The following STRN variants were observed in gnomAD, a reference collection of about 807,000 sequenced individuals.
STRN encodes the protein striatin.
Under a neutral mutation model 96.3 loss-of-function variants are expected in STRN, and 53 were observed. The observed-to-expected ratio is 0.55, with a 90% confidence interval of 0.44 to 0.69. STRN has a LOEUF of 0.69. Among genes scored for constraint, STRN ranks in the 30% least tolerant of loss-of-function variants. The probability of loss-of-function intolerance (pLI) is 0.00; values close to 1 mark genes in which losing one functional copy is unlikely to be tolerated. For synonymous variants in STRN, 428 were observed against 355.9 expected, an observed-to-expected ratio of 1.20 and a Z score of -2.28; for missense variants, 987 against 963.9, an observed-to-expected ratio of 1.02 and a Z score of -0.32.
At chr2:36,963,871 T>G (rs1665088772) in intron 1 of STRN, among the ~76,000 whole-genome samples, 1 of 144,868 alleles carries the variant, frequency 6.9e-6, no homozygotes, top group Admixed American at 6.9e-5. Flanking sequence ...GCAGAAGGAT[T>G]GCTTAAACTT....
intron 12 of STRN, chr2:36,867,435 G>A (rs1195758921): frequency 6.3e-6 from 1 of 159,128 alleles, no homozygotes; most frequent in African/African-American, 2.4e-5. Flanking sequence ...TGTCATCCTT[G>A]TACTGAGGCC....
At chr2:36,960,957 C>T (rs965130612) in intron 1 of STRN, among the ~76,000 whole-genome samples, 2 of 151,560 alleles carry the variant, frequency 1.3e-5, no homozygotes, top group Admixed American at 1.3e-4. Flanking sequence ...AGTGCAGGGG[C>T]ATGATCATAA....
chr2:36,851,201 T>G, intron 15 of STRN, 94 bp from the exon 16 acceptor site: 1 of 1,156,662 alleles, frequency 8.6e-7, no homozygotes, highest in African/African-American at 1.6e-5. Flanking sequence ...ACTGAAAAAG[T>G]AGGCCGGCCG....
At chr2:36,909,505 G>A (rs1306539190) in intron 3 of STRN, among the ~76,000 whole-genome samples, 1 of 151,984 alleles carries the variant, frequency 6.6e-6, no homozygotes, top group East Asian at 1.9e-4. Context: ...TGCAACAAAG[G>A]ACAGTAATAA....
At position 36,867,842 on chromosome 2, in the gene STRN, C is replaced by A; in HGVS notation, c.1519G>T (p.Glu507Ter). 2 of 1,593,614 alleles carry A rather than the reference C, an allele frequency of 1.3e-6. No individual in the cohort carries two copies. Among genetic ancestry groups the A allele is most frequent in the Non-Finnish European group, 1.7e-6 (2 of 1,171,230 alleles). ...TGGGCTCTGAATGTATAGATAGGTT[C>A]TACATCAAGAGAAGTGCTCCTAAAT... is the stretch of plus-strand genomic sequence containing the variant. ...PAKKSTSLDV[E>*]PIYTFRAHKG... Residue 507 changes from glutamate (E) to a stop codon, truncating the protein, a stop_gained, in exon 12 of 18, where the codon GAA (glutamate) becomes TAA (stop). Coordinates refer to ENST00000263918, the MANE Select transcript of STRN (RefSeq NM_003162.4). LOFTEE classifies it high-confidence loss of function.
chr2:36,855,100 AAG>A, intron 15 of STRN, 110 bp downstream of exon 15: 4 of 944,640 alleles, frequency 4.2e-6, no homozygotes, highest in Admixed American at 3.2e-5. Flanking sequence ...TCTGAAAGTT[AAG>A]AGACAGAAAG....
At chr2:36,856,173 T>C (rs372362050) in intron 14 of STRN, among the ~76,000 whole-genome samples, 12 of 152,318 alleles carry the variant, frequency 7.9e-5, no homozygotes, top group African/African-American at 2.6e-4. Flanking sequence ...TACTGTATGT[T>C]TGTAAGGATG....
At chr2:36,964,036 C>A (rs1416718877) in intron 1 of STRN, among the ~76,000 whole-genome samples, 1 of 151,834 alleles carries the variant, frequency 6.6e-6, no homozygotes, top group Non-Finnish European at 1.5e-5. Context: ...GATAAGCACC[C>A]ATGGGAAAGC....
intron 1 of STRN, among the ~76,000 whole-genome samples, chr2:36,935,622 C>T (rs961702721): frequency 6.6e-5 from 10 of 152,340 alleles, no homozygotes; most frequent in Admixed American, 2.0e-4. Context: ...GTGCTTCCCA[C>T]TTGTATTGAG....
At chr2:36,877,738 G>A (rs948653078) in intron 10 of STRN, among the ~76,000 whole-genome samples, 153 bp downstream of exon 10, 1 of 152,178 alleles carries the variant, frequency 6.6e-6, no homozygotes, top group African/African-American at 2.4e-5. Context: ...GTTTCTCAAT[G>A]TTGGCCAGGC....
At position 36,884,001 on chromosome 2, in the gene STRN, A is replaced by G; in HGVS notation, c.1117T>C (p.Ser373Pro). 7.0e-7 allele frequency: 1 copy of G among 1,436,532 alleles called. No individual in the cohort carries two copies. Among genetic ancestry groups the G allele is most frequent in the Non-Finnish European group, 9.2e-7 (1 of 1,088,304 alleles). The allele number at this position is 1,436,532 out of a possible 1,614,324, so 89.0% of individuals were successfully genotyped here. A position where few individuals can be genotyped will look rare whatever the true frequency, so the allele number is the denominator to read the frequency against. The change falls in exon 9 of 18, where the codon TCT (serine) becomes CCT (proline). Residue 373 changes from serine to proline, a missense_variant. Coordinates refer to ENST00000263918, the MANE Select transcript of STRN (RefSeq NM_003162.4). ...CTGGGTCTGGAAGGTGAACCCACAGATGGCTGCAATGAAGGAAGTTCATCA... is the reference window on the plus strand; with the variant it reads ...CTGGGTCTGGAAGGTGAACCCACAGGTGGCTGCAATGAAGGAAGTTCATCA... ...DVDELPSLQPSVGSPSRPSSS... is the reference protein window; with the variant it reads ...DVDELPSLQPPVGSPSRPSSS...
intron 1 of STRN, among the ~76,000 whole-genome samples, chr2:36,952,158 T>C (rs373176805): frequency 6.6e-6 from 1 of 152,174 alleles, no homozygotes; most frequent in Non-Finnish European, 1.5e-5. Context: ...CTGTCTTACA[T>C]TGGGAAAGGA....
intron 7 of STRN, among the ~76,000 whole-genome samples, chr2:36,892,821 G>A (rs1218935656): frequency 1.3e-5 from 2 of 152,188 alleles, no homozygotes; most frequent in Non-Finnish European, 2.9e-5. Context: ...AGGAATTCGA[G>A]ACCAGCCTGG....
chr2:36,859,258 GA>G (rs1305395145), intron 13 of STRN, among the ~76,000 whole-genome samples: 1 of 152,092 alleles, frequency 6.6e-6, no homozygotes, highest in Non-Finnish European at 1.5e-5. Flanking sequence ...AGATTAGACA[GA>G]ATCAAGACAA....
chr2:36,887,600 C>T (rs1022507955), intron 7 of STRN, among the ~76,000 whole-genome samples: 3 of 151,998 alleles, frequency 2.0e-5, no homozygotes, highest in East Asian at 1.9e-4. Context: ...AAAATAAACG[C>T]CAATGATCTT....
intron 7 of STRN, among the ~76,000 whole-genome samples, chr2:36,890,514 C>T (rs1457709699): frequency 4.5e-5 from 6 of 134,094 alleles, no homozygotes; most frequent in East Asian, 4.3e-4. Context: ...GACAGAGTCT[C>T]GCTCTGTCGC....
intron 1 of STRN, among the ~76,000 whole-genome samples, chr2:36,953,762 T>C (rs1304519808): frequency 6.6e-6 from 1 of 152,220 alleles, no homozygotes; most frequent in African/African-American, 2.4e-5. Context: ...TTTTGTCAAA[T>C]AACTTTCTGC....
chr2:36,852,402 T>G (rs112998261), intron 15 of STRN, among the ~76,000 whole-genome samples: 505 of 152,290 alleles, frequency 3.3e-3, no homozygotes, highest in Non-Finnish European at 6.2e-3. Flanking sequence ...ATTCAGATAA[T>G]AGTATTGTGT....
chr2:36,891,153 C>T lies in STRN; in HGVS notation c.931+2745G>A, dbSNP rs567036768. Reference sequence around the variant, plus strand: ...TCAGAATTTGGAGCATTTCAGATTTCGAATTTCACATCAGGGATAGACAGA... The same window carrying T: ...TCAGAATTTGGAGCATTTCAGATTTTGAATTTCACATCAGGGATAGACAGA... On this transcript the variant is annotated intron_variant, in intron 7 of 17. Coordinates refer to ENST00000263918, the MANE Select transcript of STRN (RefSeq NM_003162.4). Among the ~76,000 whole-genome samples the T allele has an allele frequency of 3.8e-4, 58 of 152,286 alleles. 1 individual carries two copies. The highest frequency in any genetic ancestry group is 5.1e-4 in the African/African-American group (21 of 41,552).
Sources: gnomAD v4.1 joint callset for allele counts (sites outside exome capture counted in the v4.1 genomes callset) on GRCh38, gnomAD v4.1.1 for gene constraint, MANE v1.5 for transcripts, NCBI Gene and HGNC (gene_info 2026-07-23, HGNC 2026-07-21) for gene names.